TYW5: variants seen among roughly 807,000 people sequenced by gnomAD.
The protein encoded by TYW5 is tRNA wybutosine-synthesizing protein 5.
A neutral mutation model predicts 44.4 loss-of-function variants in TYW5; 36 were observed. That is an observed-to-expected ratio of 0.81 (90% confidence interval 0.62 to 1.07). The LOEUF (loss-of-function observed/expected upper bound fraction) is 1.07. Among genes scored for constraint, TYW5 ranks in the 50% least tolerant of loss-of-function variants. The probability of loss-of-function intolerance (pLI) is 0.00; values close to 1 mark genes in which losing one functional copy is unlikely to be tolerated. For synonymous variants in TYW5, 121 were observed against 128.1 expected (o/e 0.94, Z 0.37); for missense variants, 354 against 365.7 (o/e 0.97, Z 0.26).
intron 1 of TYW5, among the ~76,000 whole-genome samples, chr2:199,953,756 TTTG>T (rs2105716799): frequency 6.6e-6 from 1 of 152,336 alleles, no homozygotes; most frequent in Non-Finnish European, 1.5e-5. Context: ...TTTTTCCAAT[TTTG>T]TTATTAATTT....
Position 199,930,214 on chromosome 2 carries a change from T to C in TYW5, c.*2853A>G, listed in dbSNP as rs1345337040. On this transcript the variant is annotated 3_prime_UTR_variant, in exon 8 of 8. Transcript: ENST00000354611. The stretch of plus-strand genomic sequence containing the variant: ...CTGGTCTCGAACTCCTGAGTTCAGA[T>C]GATCCACCCACCTCGGTGCATATAG... The C allele has an allele frequency of 6.6e-6, 1 of 152,136 alleles. No individual in the cohort carries two copies. The highest frequency in any genetic ancestry group is 1.5e-5 in the Non-Finnish European group (1 of 68,046). The allele number at this position is 152,136 out of a possible 1,614,324, so 9.4% of individuals were successfully genotyped here.
Position 199,935,972 on chromosome 2 carries a change from T to C in TYW5, c.650A>G (p.Tyr217Cys), listed in dbSNP as rs2077417312. ...KYPLFSKARR[Y>C]ECSLEAGDVL... is the part of the protein sequence containing the mutation. ...ATCACCAGCTTCAAGGGAACATTCATATCTTCTAGCCTTGGAAAAAAGTGG... is the reference window on the plus strand; with the variant it reads ...ATCACCAGCTTCAAGGGAACATTCACATCTTCTAGCCTTGGAAAAAAGTGG... The change falls in exon 7 of 8, where the codon TAT becomes TGT. Residue 217 changes from tyrosine to cysteine, a missense_variant. Physicochemically the swap from Tyr to Cys is radical, Grantham distance 194 (BLOSUM62 -2). Coordinates refer to ENST00000354611, the MANE Select transcript of TYW5 (RefSeq NM_001039693.3). 2.5e-6 allele frequency: 4 copies of C among 1,613,130 alleles called. No individual in the cohort carries two copies. The highest frequency in any genetic ancestry group is 3.4e-6 in the Non-Finnish European group (4 of 1,179,396).
At chr2:199,938,240 A>G (rs565048508) in intron 5 of TYW5, among the ~76,000 whole-genome samples, 1 of 151,792 alleles carries the variant, frequency 6.6e-6, no homozygotes, top group Non-Finnish European at 1.5e-5. Flanking sequence ...AATTTTTTGT[A>G]TTTTTAGTAG....
chr2:199,933,029 T>TA lies in TYW5; in HGVS notation c.*37dup, dbSNP rs1446233369. On this transcript the variant is annotated 3_prime_UTR_variant, in exon 8 of 8. Coordinates refer to ENST00000354611, the MANE Select transcript of TYW5 (RefSeq NM_001039693.3). ...ATCTTTAATTTATATCGTTATACCTTACTAAAGTGTTAATGTGCATTGCAT... is the reference window on the plus strand; with the variant it reads ...ATCTTTAATTTATATCGTTATACCTTAACTAAAGTGTTAATGTGCATTGCAT... 6.9e-6 allele frequency: 11 copies of TA among 1,600,828 alleles called. No homozygotes were observed. The highest frequency in any genetic ancestry group is 9.4e-6 in the Non-Finnish European group (11 of 1,174,056).
chr2:199,948,065 C>T (rs2077516166), intron 2 of TYW5: 1 of 347,134 alleles, frequency 2.9e-6, no homozygotes, highest in South Asian at 3.0e-5. Flanking sequence ...GCACTCCAGC[C>T]TGGGTGGCGC....
Position 199,936,030 on chromosome 2 carries a change from G to A in TYW5, c.592C>T (p.Leu198=), listed in dbSNP as rs746864040. 4.4e-6 allele frequency: 7 copies of A among 1,608,266 alleles called. No individual in the cohort carries two copies. In the Admixed American group the frequency reaches 5.0e-5, roughly 12 times the overall value. The part of the protein sequence containing the change: ...LYLKGTKSEV[L]NIDNPDLAKY... ...GCCAAGTCTGGGTTATCTATATTCA[G>A]TACTTCTGATTTAGTACCTAAAAAG... Residue 198 remains leucine (L), a synonymous_variant, in exon 7 of 8, where the codon CTG becomes TTG. Coordinates refer to ENST00000354611, the MANE Select transcript of TYW5 (RefSeq NM_001039693.3).
At chr2:199,943,701 A>G in intron 3 of TYW5, 64 bp downstream of exon 3, 5 of 1,329,344 alleles carry the variant, frequency 3.8e-6, no homozygotes, top group African/African-American at 1.5e-5. Flanking sequence ...CTATTCTTTC[A>G]TAAGAAAATC....
chr2:199,929,974 T>A lies in TYW5; in HGVS notation c.*3093A>T, dbSNP rs1197782516. 6.7e-6 allele frequency: 1 copy of A among 148,254 alleles called. No homozygotes were observed. The allele number at this position is 148,254 out of a possible 1,614,324, so 9.2% of individuals were successfully genotyped here. A position where few individuals can be genotyped will look rare whatever the true frequency, so the allele number is the denominator to read the frequency against. ...CTCCCCAGCTCTGCATATAATATTT[T>A]TTTTTTTTTTTTTTTTTTTGAGACA... On this transcript the variant is annotated 3_prime_UTR_variant, in exon 8 of 8. Coordinates refer to ENST00000354611, the MANE Select transcript of TYW5 (RefSeq NM_001039693.3).
rs370759578 is a variant in TYW5, at chr2:199,933,138, A to G, written c.877T>C (p.Tyr293His). The change falls in exon 8 of 8, where the codon TAT becomes CAT. Residue 293 changes from tyrosine to histidine, a missense_variant. Tyr to His is a moderately conservative substitution (Grantham distance 83, BLOSUM62 2). Coordinates refer to ENST00000354611, the MANE Select transcript of TYW5 (RefSeq NM_001039693.3). The stretch of plus-strand genomic sequence containing the variant: ...ATTCGTCGTGCATAGAAGTCCCTAT[A>G]TTCCTCTGGTAACTCGGCCAGTGTT... ...LKTLAELPEEYRDFYARRMVL... is the reference protein window; with the variant it reads ...LKTLAELPEEHRDFYARRMVL... 9 of 1,614,034 alleles carry G rather than the reference A, an allele frequency of 5.6e-6. No homozygotes were observed. Among genetic ancestry groups the G allele is most frequent in the African/African-American group, 1.3e-5 (1 of 74,928 alleles).
At chr2:199,946,040 G>A (rs1488916863) in intron 2 of TYW5, 1 of 152,228 alleles carries the variant, frequency 6.6e-6, no homozygotes, top group Non-Finnish European at 1.5e-5. Flanking sequence ...TGGAGTCAGG[G>A]AAATTAGAGT....
At chr2:199,953,089 A>G (rs2077559111) in intron 1 of TYW5, among the ~76,000 whole-genome samples, 1 of 152,216 alleles carries the variant, frequency 6.6e-6, no homozygotes, top group Non-Finnish European at 1.5e-5. Flanking sequence ...TGGGAAGCTG[A>G]GATGGGCGGA....
Position 199,931,189 on chromosome 2 carries a change from T to C in TYW5, c.*1878A>G, listed in dbSNP as rs547590319. On this transcript the variant is annotated 3_prime_UTR_variant, in exon 8 of 8. Transcript: ENST00000354611. ...TAAATAGAAGAACTAGCACCAGTTA[T>C]CAACTATGTGCCTGCCCTTGAACTC... 2.6e-5 allele frequency: 4 copies of C among 152,304 alleles called. No homozygotes were observed. The highest frequency in any genetic ancestry group is 9.6e-5 in the African/African-American group (4 of 41,572). The allele number at this position is 152,304 out of a possible 1,614,324, so 9.4% of individuals were successfully genotyped here.
intron 3 of TYW5, 149 bp downstream of exon 3, chr2:199,943,616 G>A: frequency 3.3e-6 from 2 of 613,430 alleles, no homozygotes; most frequent in South Asian, 4.5e-5. Context: ...ATAAATAGCA[G>A]AGCTACAGTC....
intron 1 of TYW5, among the ~76,000 whole-genome samples, chr2:199,953,958 G>A (rs1333581922): frequency 1.3e-5 from 2 of 152,144 alleles, no homozygotes; most frequent in African/African-American, 2.4e-5. Flanking sequence ...CTTACGTCTA[G>A]CACATTCTGA....
intron 2 of TYW5, chr2:199,946,062 G>A (rs748941944): frequency 6.6e-6 from 1 of 152,144 alleles, no homozygotes; most frequent in Non-Finnish European, 1.5e-5. Flanking sequence ...AACACCTTGG[G>A]TTCCATCACT....
intron 7 of TYW5, among the ~76,000 whole-genome samples, chr2:199,934,751 T>G (rs1269168944): frequency 6.6e-6 from 1 of 152,074 alleles, no homozygotes; most frequent in African/African-American, 2.4e-5. Flanking sequence ...TGTTAATATA[T>G]CCCTTTAATT....
chr2:199,949,878 C>A (rs184234333), intron 1 of TYW5, among the ~76,000 whole-genome samples: 4 of 152,256 alleles, frequency 2.6e-5, no homozygotes, highest in Non-Finnish European at 5.9e-5. Flanking sequence ...GGGTAATAAT[C>A]TAGTGGTATC....
chr2:199,937,271 T>A (rs2077427798), intron 5 of TYW5, among the ~76,000 whole-genome samples: 1 of 152,116 alleles, frequency 6.6e-6, no homozygotes, highest in Non-Finnish European at 1.5e-5. Flanking sequence ...ACTATACAAT[T>A]CAAACTAGCG....
chr2:199,945,425 A>T (rs185469549), intron 2 of TYW5: 23 of 152,358 alleles, frequency 1.5e-4, no homozygotes, highest in Admixed American at 1.3e-3. Context: ...TAGAGTGAGC[A>T]CTGCAGGAGA....
Sources: allele counts gnomAD v4.1 joint callset (sites outside exome capture counted in the v4.1 genomes callset), GRCh38; gene constraint gnomAD v4.1.1; transcripts MANE v1.5; gene names NCBI Gene and HGNC (gene_info 2026-07-23, HGNC 2026-07-21).